DLG2: variants seen among roughly 807,000 people sequenced by gnomAD.
DLG2 encodes discs large MAGUK scaffold protein 2, also known as disks large homolog 2.
A neutral mutation model predicts 132.5 loss-of-function variants in DLG2; 45 were observed. The ratio of observed to expected loss-of-function variants is 0.34; its 90% CI spans 0.27 to 0.44. The LOEUF is 0.44. Ranked by LOEUF, DLG2 falls within the 20% of genes least tolerant of loss-of-function variation. The probability of loss-of-function intolerance (pLI) is 1.00; values close to 1 mark genes in which losing one functional copy is unlikely to be tolerated. For synonymous variants in DLG2, 424 were observed against 419.6 expected (o/e 1.01, Z -0.13); for missense variants, 1,045 against 1,196.9 (o/e 0.87, Z 1.87).
intron 15 of DLG2, among the ~76,000 whole-genome samples, chr11:83,913,870 T>C: frequency 6.6e-6 from 1 of 152,126 alleles, no homozygotes; most frequent in East Asian, 1.9e-4. Flanking sequence ...ACAACCAGAT[T>C]TGCAATGCAG....
chr11:83,963,166 G>T, intron 13 of DLG2, 143 bp from the exon 14 acceptor site: 1 of 815,986 alleles, frequency 1.2e-6, no homozygotes. Context: ...GGGGGGAGTT[G>T]CAGCTTATTT....
chr11:84,928,045 GA>G (rs1171474469), intron 6 of DLG2, among the ~76,000 whole-genome samples: 1 of 151,888 alleles, frequency 6.6e-6, no homozygotes, highest in African/African-American at 2.4e-5. Context: ...CAAAAAATAG[GA>G]AGATATCAAC....
intron 6 of DLG2, among the ~76,000 whole-genome samples, chr11:84,915,639 C>G (rs575946355): frequency 6.6e-6 from 1 of 152,224 alleles, no homozygotes; most frequent in African/African-American, 2.4e-5. Context: ...TGGAAACATA[C>G]TATCATAATG....
At chr11:84,328,672 A>G (rs970826199) in intron 7 of DLG2, among the ~76,000 whole-genome samples, 2 of 152,222 alleles carry the variant, frequency 1.3e-5, no homozygotes, top group Admixed American at 1.3e-4. Flanking sequence ...GGTTAAAAAT[A>G]AACCAGAGTC....
At chr11:85,096,750 T>C (rs1405643990) in intron 6 of DLG2, among the ~76,000 whole-genome samples, 2 of 152,102 alleles carry the variant, frequency 1.3e-5, no homozygotes, top group Non-Finnish European at 2.9e-5. Context: ...ATCAGACCCT[T>C]TTCGCTTGCC....
At chr11:84,706,807 C>T (rs1596158447) in intron 6 of DLG2, among the ~76,000 whole-genome samples, 3 of 151,832 alleles carry the variant, frequency 2.0e-5, no homozygotes, top group South Asian at 2.1e-4. Flanking sequence ...ATTACATTGG[C>T]GCTGAAGTTG....
chr11:85,358,928 C>T (rs1052749182), intron 3 of DLG2, among the ~76,000 whole-genome samples: 2 of 151,972 alleles, frequency 1.3e-5, no homozygotes, highest in Non-Finnish European at 2.9e-5. Flanking sequence ...CTTTATCTTA[C>T]CTAAGTTTTT....
At chr11:84,818,889 C>T (rs545536146) in intron 6 of DLG2, among the ~76,000 whole-genome samples, 5 of 151,124 alleles carry the variant, frequency 3.3e-5, no homozygotes, top group African/African-American at 9.7e-5. Context: ...GCCTTCTTCT[C>T]GGATATGGAT....
chr11:83,884,495 T>C (rs949990947), intron 15 of DLG2, among the ~76,000 whole-genome samples: 7 of 152,160 alleles, frequency 4.6e-5, no homozygotes, highest in Non-Finnish European at 7.4e-5. Flanking sequence ...CTTGCCTCTG[T>C]AGGATCCACC....
At chr11:84,185,372 T>C (rs1356127031) in intron 8 of DLG2, among the ~76,000 whole-genome samples, 1 of 152,168 alleles carries the variant, frequency 6.6e-6, no homozygotes, top group Non-Finnish European at 1.5e-5. Flanking sequence ...GCTCTCTGTT[T>C]GTCTGTTATT....
At chr11:84,370,628 G>A (rs1470717181) in intron 7 of DLG2, among the ~76,000 whole-genome samples, 1 of 152,240 alleles carries the variant, frequency 6.6e-6, no homozygotes, top group African/African-American at 2.4e-5. Flanking sequence ...AGAAACACAA[G>A]ACAGGTTTCT....
In DLG2 at chr11:85,201,466, G is replaced by A. The variant is rs769668288; in HGVS notation, c.187-46815C>T. ...CACACAGCCCTGGTATCTGACTTAGGTGTTCCCCAGGTCTGTCTGGCCCAG... is the reference window on the plus strand; with the variant it reads ...CACACAGCCCTGGTATCTGACTTAGATGTTCCCCAGGTCTGTCTGGCCCAG... On this transcript the variant is annotated intron_variant, in intron 4 of 27. Transcript: ENST00000376104. 2.6e-5 allele frequency among the ~76,000 whole-genome samples: 4 copies of A among 151,928 alleles called. No individual in the cohort carries two copies. In the South Asian group the frequency reaches 6.2e-4, roughly 24 times the overall value.
intron 17 of DLG2, among the ~76,000 whole-genome samples, chr11:83,807,499 G>A (rs2046209723): frequency 6.6e-6 from 1 of 152,100 alleles, no homozygotes; most frequent in African/African-American, 2.4e-5. Context: ...CCATTCAGTA[G>A]ATAAAAACAT....
At chr11:83,505,090 G>A (rs1165281976) in intron 21 of DLG2, among the ~76,000 whole-genome samples, 1 of 152,166 alleles carries the variant, frequency 6.6e-6, no homozygotes, top group Admixed American at 6.5e-5. Context: ...GTCCACAGAT[G>A]GTAGTCTTGG....
At chr11:85,526,417 T>A (rs530010945) in intron 3 of DLG2, among the ~76,000 whole-genome samples, 1 of 151,978 alleles carries the variant, frequency 6.6e-6, no homozygotes, top group South Asian at 2.1e-4. Context: ...CAGAAAAAAA[T>A]GTGAACCTAG....
chr11:84,427,251 A>AGAGG (rs564251192), intron 7 of DLG2, among the ~76,000 whole-genome samples: 142 of 152,166 alleles, frequency 9.3e-4, no homozygotes, highest in African/African-American at 3.4e-3. Context: ...AGGAAAGAAG[A>AGAGG]GAGGGAGGGA....
intron 6 of DLG2, among the ~76,000 whole-genome samples, chr11:84,868,511 C>T (rs2084977624): frequency 6.6e-6 from 1 of 151,948 alleles, no homozygotes; most frequent in Non-Finnish European, 1.5e-5. Flanking sequence ...GAAATAACTC[C>T]CTGTAGATTT....
At chr11:85,196,489 G>A (rs888798757) in intron 4 of DLG2, among the ~76,000 whole-genome samples, 1 of 152,152 alleles carries the variant, frequency 6.6e-6, no homozygotes, top group African/African-American at 2.4e-5. Flanking sequence ...AATTAGTGGA[G>A]GCTGCTGATT....
At chr11:84,117,830 C>T (rs982948065) in intron 9 of DLG2, among the ~76,000 whole-genome samples, 10 of 151,980 alleles carry the variant, frequency 6.6e-5, no homozygotes, top group Non-Finnish European at 1.0e-4. Flanking sequence ...ATATTATTAT[C>T]GTAAGCATTT....
Sources: gnomAD v4.1 joint callset for allele counts (sites outside exome capture counted in the v4.1 genomes callset) on GRCh38, gnomAD v4.1.1 for gene constraint, MANE v1.5 for transcripts, NCBI Gene and HGNC (gene_info 2026-07-23, HGNC 2026-07-21) for gene names.